Variants in EML2 observed in about 807,000 individuals in gnomAD.
EML2 encodes EMAP like 2.
EML2 carries 59 observed loss-of-function variants against 84.7 expected under a neutral mutation model. That is an observed-to-expected ratio of 0.70 (90% CI 0.56 to 0.86). The LOEUF (loss-of-function observed/expected upper bound fraction) is 0.86. EML2 is among the 40% of genes least tolerant of loss of function. The pLI is 0.00. For missense variants in EML2, 818 were observed against 855.6 expected, an observed-to-expected ratio of 0.96 and a Z score of 0.55; for synonymous variants, 352 against 348.9, an observed-to-expected ratio of 1.01 and a Z score of -0.10.
In EML2 at chr19:45,614,706, G is replaced by A; in HGVS notation, c.1598-6C>T. ...CTTACAGGTAGCCGGGTCCCCTGGG[G>A]CAGAAAATGGGAGGAGACATTCAGA... is the stretch of plus-strand genomic sequence containing the variant. On this transcript the variant is annotated splice_region_variant and splice_polypyrimidine_tract_variant and intron_variant, in intron 16 of 18. Transcript: ENST00000245925. 6.2e-7 allele frequency: 1 copy of A among 1,612,352 alleles called. No homozygotes were observed. Among genetic ancestry groups the A allele is most frequent in the Non-Finnish European group, 8.5e-7 (1 of 1,178,424 alleles).
upstream of EML2, chr19:45,642,558 A>C (rs191068264): frequency 1.5e-6 from 2 of 1,357,166 alleles, no homozygotes; most frequent in Admixed American, 3.4e-5. Context: ...CCATCCGCAC[A>C]CTCCTCTCTG....
chr19:45,639,693 G>A (rs746173533), upstream of EML2, among the ~76,000 whole-genome samples: 1 of 152,134 alleles, frequency 6.6e-6, no homozygotes, highest in Non-Finnish European at 1.5e-5. Context: ...TTTAAAAAAT[G>A]GGGATAATAA....
At chr19:45,622,430 T>C (rs1344159235) in intron 9 of EML2, among the ~76,000 whole-genome samples, 1 of 152,076 alleles carries the variant, frequency 6.6e-6, no homozygotes, top group African/African-American at 2.4e-5. Flanking sequence ...TTTGTTTTGT[T>C]TTGTTTTATT....
At chr19:45,634,218 C>T (rs1973430383) in intron 4 of EML2, 104 bp downstream of exon 4, 20 of 1,517,158 alleles carry the variant, frequency 1.3e-5, no homozygotes, top group Non-Finnish European at 4.5e-6. Flanking sequence ...AGCCTTGCCC[C>T]AAACCCCACA....
intron 9 of EML2, chr19:45,623,354 C>CGAGA (rs1568454780): frequency 2.0e-5 from 3 of 151,346 alleles, no homozygotes; most frequent in African/African-American, 7.3e-5. Flanking sequence ...GGCAACATAG[C>CGAGA]GAGACCTCAT....
At chr19:45,620,925 G>C in intron 11 of EML2, 1 of 527,134 alleles carries the variant, frequency 1.9e-6, no homozygotes. Flanking sequence ...GCAGCTGTGG[G>C]ACAACCTGTA....
chr19:45,611,983 C>T lies in EML2; in HGVS notation c.1824+1558G>A, dbSNP rs145308554. On this transcript the variant is annotated intron_variant, in intron 18 of 18. Coordinates refer to ENST00000245925, the MANE Select transcript of EML2 (RefSeq NM_012155.4). Reference sequence around the variant, plus strand: ...GCCTCCCGGGTTCAGGCAATTCTCCCGCCTCACCTTCCCCAGTAGCTGGGA... The same window carrying T: ...GCCTCCCGGGTTCAGGCAATTCTCCTGCCTCACCTTCCCCAGTAGCTGGGA... Among the ~76,000 whole-genome samples the T allele has an allele frequency of 1.5e-3, 232 of 151,870 alleles. 1 individual carries two copies. Among genetic ancestry groups the T allele is most frequent in the African/African-American group, 5.5e-3 (226 of 41,418 alleles).
intron 7 of EML2, 59 bp downstream of exon 7, chr19:45,629,892 G>A: frequency 7.5e-7 from 1 of 1,342,228 alleles, no homozygotes; most frequent in Admixed American, 1.7e-5. Flanking sequence ...CCTAACCACT[G>A]AGATTGGGAA....
At chr19:45,639,282 G>A in intron 1 of EML2, 75 bp downstream of exon 1, 1 of 1,314,856 alleles carries the variant, frequency 7.6e-7, no homozygotes, top group Non-Finnish European at 9.9e-7. Context: ...GGGTCCCAGG[G>A]GTTGGGTGAA....
intron 3 of EML2, among the ~76,000 whole-genome samples, chr19:45,635,787 T>G (rs1973657994): frequency 6.6e-6 from 1 of 151,034 alleles, no homozygotes; most frequent in East Asian, 2.0e-4. Context: ...AGAAAGGGTT[T>G]CTCCATGTTG....
At chr19:45,612,762 T>C (rs1448535273) in intron 18 of EML2, among the ~76,000 whole-genome samples, 3 of 152,102 alleles carry the variant, frequency 2.0e-5, no homozygotes, top group Non-Finnish European at 4.4e-5. Context: ...TAGTTGAACA[T>C]GGGTAACAGG....
chr19:45,616,971 CA>C, intron 13 of EML2, 118 bp from the exon 14 acceptor site: 1 of 737,826 alleles, frequency 1.4e-6, no homozygotes, highest in Non-Finnish European at 2.3e-6. Flanking sequence ...CTGGGCTGGG[CA>C]CGGTGGCTCA....
upstream of EML2, chr19:45,642,431 C>G (rs1213430330): frequency 2.7e-6 from 4 of 1,473,676 alleles, no homozygotes; most frequent in Admixed American, 2.2e-5. Flanking sequence ...CTTCCTGGGT[C>G]TAAGCGGGGG....
At chr19:45,634,699 C>G (rs1210396347) in intron 3 of EML2, among the ~76,000 whole-genome samples, 1 of 149,552 alleles carries the variant, frequency 6.7e-6, no homozygotes. Context: ...GTAGCTGGGA[C>G]TACAGGCGCC....
chr19:45,619,117 C>T lies in EML2; in HGVS notation c.1197G>A (p.Lys399=). 6.2e-7 allele frequency: 1 copy of T among 1,613,348 alleles called. No individual in the cohort carries two copies. Residue 399 remains lysine, a synonymous_variant, in exon 12 of 19, where the codon AAG becomes AAA. Transcript: ENST00000245925. ...RAQFVTCGQD[K]LVHLWSSDSH... is the part of the protein sequence containing the mutation. ...AATCTGAGCTCCATAGATGCACCAG[C>T]TTATCCTGCCCGCAGGTCACAAACT...
chr19:45,634,813 G>GC (rs1056963700), intron 3 of EML2, among the ~76,000 whole-genome samples: 1 of 149,116 alleles, frequency 6.7e-6, no homozygotes, highest in Non-Finnish European at 1.5e-5. Context: ...CACCCGCCTC[G>GC]CCCTCCCAAA....
At chr19:45,635,686 G>A (rs562168591) in intron 3 of EML2, among the ~76,000 whole-genome samples, 30 of 142,678 alleles carry the variant, frequency 2.1e-4, no homozygotes, top group African/African-American at 6.7e-4. Flanking sequence ...TCCACCTCCC[G>A]GGTTCAAGGG....
intron 4 of EML2, 25 bp from the exon 5 acceptor site, chr19:45,633,164 C>T (rs775565393): frequency 6.2e-7 from 1 of 1,603,098 alleles, no homozygotes; most frequent in South Asian, 1.1e-5. Context: ...GACAGAGAGA[C>T]CAGGGCTCAG....
At chr19:45,633,038 A>G in intron 5 of EML2, 32 bp downstream of exon 5, 1 of 1,593,570 alleles carries the variant, frequency 6.3e-7, no homozygotes. Flanking sequence ...TGCGTCCTGC[A>G]CTCTTTTCTG....
Sources: gnomAD v4.1 joint callset for allele counts (sites outside exome capture counted in the v4.1 genomes callset) on GRCh38, gnomAD v4.1.1 for gene constraint, MANE v1.5 for transcripts, NCBI Gene and HGNC (gene_info 2026-07-23, HGNC 2026-07-21) for gene names.